HSF5: variants seen among roughly 807,000 people sequenced by gnomAD.
The protein encoded by HSF5 is heat shock factor protein 5.
A neutral mutation model predicts 50.8 loss-of-function variants in HSF5; 5 were observed. The ratio of observed to expected loss-of-function variants is 0.10; its 90% CI spans 0.05 to 0.21. HSF5 has a LOEUF of 0.21. HSF5 is among the 10% of genes least tolerant of loss of function. HSF5 has a pLI of 1.00. For missense variants in HSF5, 564 were observed against 762.6 expected, an observed-to-expected ratio of 0.74 and a Z score of 3.07; for synonymous variants, 307 against 307.4, an observed-to-expected ratio of 1.00 and a Z score of 0.02.
chr17:58,439,343 T>C (rs1974469666), intron 5 of HSF5, among the ~76,000 whole-genome samples: 1 of 148,788 alleles, frequency 6.7e-6, no homozygotes, highest in Non-Finnish European at 1.5e-5. Flanking sequence ...ACATATGTTG[T>C]GGGGAAACAA....
intron 2 of HSF5, among the ~76,000 whole-genome samples, chr17:58,478,621 G>C (rs1555644259): frequency 6.6e-6 from 1 of 151,514 alleles, no homozygotes; most frequent in Non-Finnish European, 1.5e-5. Flanking sequence ...CAGCACTTTG[G>C]GAGCCCAAGG....
At chr17:58,442,427 G>A (rs1223297486) in intron 5 of HSF5, among the ~76,000 whole-genome samples, 1 of 152,104 alleles carries the variant, frequency 6.6e-6, no homozygotes, top group Non-Finnish European at 1.5e-5. Flanking sequence ...CCAGTCTCTG[G>A]GGGGTAAATG....
intron 5 of HSF5, among the ~76,000 whole-genome samples, chr17:58,429,720 C>A (rs959255599): frequency 3.3e-5 from 5 of 149,928 alleles, no homozygotes; most frequent in Admixed American, 2.7e-4. Context: ...GTGGCGGGCG[C>A]CTGTAATCCC....
chr17:58,463,939 A>G (rs911290338), intron 3 of HSF5, among the ~76,000 whole-genome samples: 6 of 152,250 alleles, frequency 3.9e-5, no homozygotes, highest in Non-Finnish European at 7.3e-5. Context: ...CATTTAATAC[A>G]TGTTTGGTGA....
intron 5 of HSF5, among the ~76,000 whole-genome samples, chr17:58,457,284 TAAAG>T (rs1974725178): frequency 7.2e-6 from 1 of 138,106 alleles, no homozygotes; most frequent in Admixed American, 7.5e-5. Context: ...ATAATAATAA[TAAAG>T]AAAAGGAAAA....
At chr17:58,460,541 GC>G in intron 4 of HSF5, among the ~76,000 whole-genome samples, 1 of 132,690 alleles carries the variant, frequency 7.5e-6, no homozygotes, top group South Asian at 2.4e-4. Flanking sequence ...ACGGAGTCTC[GC>G]TCTGTCGCCC....
intron 5 of HSF5, among the ~76,000 whole-genome samples, chr17:58,455,595 A>G (rs1373661546): frequency 6.6e-6 from 1 of 152,194 alleles, no homozygotes. Flanking sequence ...GTTAATATGC[A>G]CAATACATAA....
chr17:58,424,184 T>A (rs1206972231), intron 5 of HSF5, among the ~76,000 whole-genome samples: 1 of 152,166 alleles, frequency 6.6e-6, no homozygotes, highest in Non-Finnish European at 1.5e-5. Flanking sequence ...CATACTCCCA[T>A]GATCACAGCA....
intron 5 of HSF5, among the ~76,000 whole-genome samples, chr17:58,437,391 T>C (rs1273152450): frequency 6.6e-6 from 1 of 152,244 alleles, no homozygotes; most frequent in African/African-American, 2.4e-5. Context: ...ATTCCTGCTA[T>C]AGGAACACTT....
chr17:58,461,081 G>A (rs980112316), intron 4 of HSF5, among the ~76,000 whole-genome samples: 3 of 151,690 alleles, frequency 2.0e-5, no homozygotes, highest in Non-Finnish European at 4.4e-5. Flanking sequence ...CAGCCTGGGG[G>A]GACACACCTG....
chr17:58,470,950 T>C (rs993013784), intron 2 of HSF5, among the ~76,000 whole-genome samples: 4 of 152,150 alleles, frequency 2.6e-5, no homozygotes, highest in African/African-American at 9.7e-5. Context: ...TAAATTTATA[T>C]ATTAAATATA....
chr17:58,476,371 A>C lies in HSF5; in HGVS notation c.925+3522T>G. ...AGTACCTGCATCAGAATGGTCAGTA[A>C]ATCAGGTAAAGAAGCTCCCTGGTTC... On this transcript the variant is annotated intron_variant, in intron 2 of 5. Transcript: ENST00000323777. The C allele has an allele frequency of 1.2e-5, 13 of 1,080,358 alleles. No homozygotes were observed. The South Asian group carries it at 1.2e-4, about 10-fold the overall frequency. 66.9% of individuals were successfully genotyped at this position (1,080,358 alleles called of 1,614,324 possible).
chr17:58,458,834 T>G lies in HSF5; in HGVS notation c.1654A>C (p.Thr552Pro). The G allele has an allele frequency of 6.2e-7, 1 of 1,614,166 alleles. No individual in the cohort carries two copies. Among genetic ancestry groups the G allele is most frequent in the Non-Finnish European group, 8.5e-7 (1 of 1,180,012 alleles). Residue 552 changes from threonine to proline, a missense_variant, in exon 5 of 6, where the codon ACA (threonine) becomes CCA (proline). By Grantham distance (38) the Thr-to-Pro change is conservative (BLOSUM62 -1). Coordinates refer to ENST00000323777, the MANE Select transcript of HSF5 (RefSeq NM_001080439.3). ...MGPASKPSED[T>P]GLATPARYRE... ...TATCTGGCTGGAGTGGCTAAACCTG[T>G]GTCTTCACTAGGCTTGCTAGCAGGC...
intron 3 of HSF5, 75 bp downstream of exon 3, chr17:58,466,810 A>G: frequency 2.4e-6 from 2 of 849,554 alleles, no homozygotes; most frequent in South Asian, 2.7e-5. Context: ...ATATAAAATT[A>G]CACTTTGAAA....
intron 1 of HSF5, 114 bp from the exon 2 acceptor site, chr17:58,480,381 A>G: frequency 1.0e-6 from 1 of 995,206 alleles, no homozygotes; most frequent in Non-Finnish European, 1.4e-6. Flanking sequence ...TTAACACAAC[A>G]GAAGTTTAGG....
At chr17:58,426,397 G>A (rs1033686911) in intron 5 of HSF5, among the ~76,000 whole-genome samples, 1 of 152,144 alleles carries the variant, frequency 6.6e-6, no homozygotes, top group Non-Finnish European at 1.5e-5. Context: ...GTTGCTAGAG[G>A]TTTATACGCC....
intron 5 of HSF5, among the ~76,000 whole-genome samples, chr17:58,441,693 G>T (rs1000184393): frequency 6.6e-6 from 1 of 152,238 alleles, no homozygotes; most frequent in African/African-American, 2.4e-5. Context: ...CTCTTGGAAG[G>T]GAACGCCAGA....
chr17:58,474,991 A>T (rs562451113), intron 2 of HSF5, among the ~76,000 whole-genome samples: 61 of 152,204 alleles, frequency 4.0e-4, no homozygotes, highest in Middle Eastern at 3.4e-3. Flanking sequence ...TGGTAAAAAA[A>T]ATTTTTTTTT....
chr17:58,468,588 A>G (rs928333700), intron 2 of HSF5, among the ~76,000 whole-genome samples: 14 of 152,168 alleles, frequency 9.2e-5, no homozygotes, highest in African/African-American at 3.4e-4. Flanking sequence ...TAATCTCATT[A>G]TTTAATCTTT....
Sources: gnomAD v4.1 joint callset for allele counts (sites outside exome capture counted in the v4.1 genomes callset) on GRCh38, gnomAD v4.1.1 for gene constraint, MANE v1.5 for transcripts, NCBI Gene and HGNC (gene_info 2026-07-23, HGNC 2026-07-21) for gene names.